GRAMD4: variants seen among roughly 807,000 people sequenced by gnomAD.
GRAMD4 encodes the protein GRAM domain containing 4.
Under a neutral mutation model 83.9 loss-of-function variants are expected in GRAMD4, and 25 were observed. The observed-to-expected ratio is 0.30, with a 90% CI of 0.22 to 0.42. The LOEUF is 0.42. Among genes scored for constraint, GRAMD4 ranks in the 10% least tolerant of loss-of-function variants. GRAMD4 has a pLI of 1.00. For synonymous variants in GRAMD4, 336 were observed against 320.9 expected (o/e 1.05, Z -0.50); for missense variants, 593 against 788.7 (o/e 0.75, Z 2.97).
chr22:46,672,891 G>T lies in GRAMD4; in HGVS notation c.1133G>T (p.Arg378Leu). 6.2e-7 allele frequency: 1 copy of T among 1,612,296 alleles called. No individual in the cohort carries two copies. Among genetic ancestry groups the T allele is most frequent in the Non-Finnish European group, 8.5e-7 (1 of 1,179,446 alleles). ...TTCCTCATTGATTTCATCTTTAAAC[G>T]CTGCCCGAGGCTGCGCGCCAAGTAC... The part of the protein sequence containing the change: ...KFFLIDFIFK[R>L]CPRLRAKYDT... The change falls in exon 14 of 19, where the codon CGC becomes CTC. Residue 378 changes from arginine to leucine, a missense_variant. Arg to Leu is a moderately radical substitution (Grantham distance 102, BLOSUM62 -2). Transcript: ENST00000406902. The surrounding 1 kb of genome is among the most constrained non-coding windows in gnomAD (Gnocchi z 4.7).
intron 11 of GRAMD4, 84 bp from the exon 12 acceptor site, chr22:46,668,605 G>T: frequency 3.1e-6 from 4 of 1,306,160 alleles, no homozygotes; most frequent in South Asian, 2.3e-5. Context: ...AGGGCTGCCC[G>T]ACCTGGAGGC....
chr22:46,630,986 A>G (rs537631063), intron 2 of GRAMD4, among the ~76,000 whole-genome samples: 13 of 148,816 alleles, frequency 8.7e-5, no homozygotes, highest in Admixed American at 5.3e-4. Flanking sequence ...CTCGAGGGCC[A>G]TGTGCCCCCA....
intron 3 of GRAMD4, among the ~76,000 whole-genome samples, chr22:46,653,235 C>T (rs1179447999): frequency 6.6e-6 from 1 of 152,246 alleles, no homozygotes; most frequent in Non-Finnish European, 1.5e-5. Context: ...GCCGTGCCGC[C>T]CGCTGCCCCG....
At chr22:46,625,018 G>A (rs1257877216) in intron 1 of GRAMD4, among the ~76,000 whole-genome samples, 1 of 151,862 alleles carries the variant, frequency 6.6e-6, no homozygotes, top group Non-Finnish European at 1.5e-5. Flanking sequence ...CCACCACCAC[G>A]CCCGGCTAAT....
chr22:46,663,185 C>A lies in GRAMD4; in HGVS notation c.599+13C>A. The A allele has an allele frequency of 2.5e-6, 4 of 1,606,674 alleles. No homozygotes were observed. Among genetic ancestry groups the A allele is most frequent in the Non-Finnish European group, 3.4e-6 (4 of 1,175,860 alleles). On this transcript the variant is annotated intron_variant, in intron 6 of 18. Transcript: ENST00000406902. ...TGAGCGCCCGCAGGTAGGGGTTCGCCGAGCTGGGGCTGCCTGTGCGTTAGG... is the reference window on the plus strand; with the variant it reads ...TGAGCGCCCGCAGGTAGGGGTTCGCAGAGCTGGGGCTGCCTGTGCGTTAGG...
rs371883160 is a variant in GRAMD4 at position 46,660,174 on chromosome 22, A to G, written c.405-1207A>G. Among the ~76,000 whole-genome samples the G allele has an allele frequency of 5.3e-5, 8 of 152,302 alleles. No homozygotes were observed. In the East Asian group the frequency reaches 1.4e-3, roughly 26 times the overall value. ...CAGCCCGGGTCAGCTGTAAGAACGC[A>G]GGGAGCCCCATCTCGCACAGTCTCT... On this transcript the variant is annotated intron_variant, in intron 4 of 18. Coordinates refer to ENST00000406902, the MANE Select transcript of GRAMD4 (RefSeq NM_015124.5).
At chr22:46,640,970 G>A (rs898931326) in intron 3 of GRAMD4, among the ~76,000 whole-genome samples, 15 of 152,202 alleles carry the variant, frequency 9.9e-5, no homozygotes, top group Non-Finnish European at 1.5e-4. Context: ...ACAGCTTTTC[G>A]TTAATACCAT....
At chr22:46,613,699 G>A (rs1326094261) in intron 1 of GRAMD4, among the ~76,000 whole-genome samples, 1 of 152,206 alleles carries the variant, frequency 6.6e-6, no homozygotes, top group African/African-American at 2.4e-5. Flanking sequence ...GGGGCTAGAG[G>A]TCAGGCTGCT....
At chr22:46,650,489 G>T (rs1263120396) in intron 3 of GRAMD4, among the ~76,000 whole-genome samples, 1 of 152,156 alleles carries the variant, frequency 6.6e-6, no homozygotes, top group African/African-American at 2.4e-5. Context: ...GCCTGTGTAG[G>T]CCTGAGCCGA....
chr22:46,681,846 AACCC>A, downstream of GRAMD4, among the ~76,000 whole-genome samples: 1 of 152,338 alleles, frequency 6.6e-6, no homozygotes, highest in East Asian at 1.9e-4. Flanking sequence ...TGACGCTGGG[AACCC>A]AGGGTTGTGG....
intron 3 of GRAMD4, among the ~76,000 whole-genome samples, chr22:46,652,699 G>A (rs535388498): frequency 1.3e-5 from 2 of 152,352 alleles, no homozygotes; most frequent in South Asian, 4.1e-4. Flanking sequence ...AGGGAACCCA[G>A]AGCCTCAGCA....
In GRAMD4 at chr22:46,678,545, G is replaced by A; in HGVS notation, c.*1294G>A. 6 of 985,422 alleles carry A rather than the reference G, an allele frequency of 6.1e-6. No individual in the cohort carries two copies. Among genetic ancestry groups the A allele is most frequent in the Non-Finnish European group, 7.2e-6 (6 of 829,904 alleles). 61.0% of individuals were successfully genotyped at this position (985,422 alleles called of 1,614,324 possible). ...CGGCTTGGGCCTCCTGGAAGGAGGT[G>A]GCCACCCCGCGGGCCTGCGTGTCTG... On this transcript the variant is annotated 3_prime_UTR_variant, in exon 19 of 19. Coordinates refer to ENST00000406902, the MANE Select transcript of GRAMD4 (RefSeq NM_015124.5).
intron 1 of GRAMD4, among the ~76,000 whole-genome samples, chr22:46,612,160 C>T (rs906389891): frequency 6.6e-6 from 1 of 152,014 alleles, no homozygotes; most frequent in Non-Finnish European, 1.5e-5. Flanking sequence ...CACACCATCC[C>T]GCCTGGCTAA....
chr22:46,622,168 T>A lies in GRAMD4; in HGVS notation c.-50+1603T>A, dbSNP rs563172101. On this transcript the variant is annotated intron_variant, in intron 1 of 18. Transcript: ENST00000406902. This position sits in a 1 kb window ranked among gnomAD's most constrained non-coding sequence, Gnocchi z 4.0. ...GCCTCATTTGCTTGCCTGAGGTGAT[T>A]GGGAAGGCAGCCCTGGCCTCGGAAT... Among the ~76,000 whole-genome samples the A allele has an allele frequency of 5.3e-5, 8 of 152,196 alleles. No homozygotes were observed. The highest frequency in any genetic ancestry group is 1.9e-4 in the African/African-American group (8 of 41,524).
Position 46,672,780 on chromosome 22 carries a change from C to A in GRAMD4, c.1085-63C>A. The A allele has an allele frequency of 3.6e-6, 5 of 1,377,938 alleles. No individual in the cohort carries two copies. Among genetic ancestry groups the A allele is most frequent in the Non-Finnish European group, 4.1e-6 (4 of 983,392 alleles). 85.4% of individuals were successfully genotyped at this position (1,377,938 alleles called of 1,614,324 possible). A position where few individuals can be genotyped will look rare whatever the true frequency, so the allele number is the denominator to read the frequency against. ...GAGGTGGGAGGTGCCGGAACCATCA[C>A]CCTGAGTAGACTGGCATAGCTGCAG... is the stretch of plus-strand genomic sequence containing the variant. On this transcript the variant is annotated intron_variant, in intron 13 of 18. Coordinates refer to ENST00000406902, the MANE Select transcript of GRAMD4 (RefSeq NM_015124.5). The surrounding 1 kb of genome is among the most constrained non-coding windows in gnomAD (Gnocchi z 4.7).
intron 1 of GRAMD4, among the ~76,000 whole-genome samples, chr22:46,589,528 G>A (rs1330347832): frequency 6.6e-6 from 1 of 151,934 alleles, no homozygotes; most frequent in African/African-American, 2.4e-5. Flanking sequence ...AAGACCTGCT[G>A]GGGCCAGGGG....
chr22:46,635,423 GC>G (rs1364904229), intron 2 of GRAMD4, among the ~76,000 whole-genome samples: 2 of 87,574 alleles, frequency 2.3e-5, no homozygotes, highest in African/African-American at 5.8e-5. Context: ...TGTCTTCCCT[GC>G]CCCCGCCCCC....
intron 1 of GRAMD4, among the ~76,000 whole-genome samples, chr22:46,599,358 C>A (rs997546951): frequency 2.0e-5 from 3 of 149,766 alleles, no homozygotes; most frequent in Admixed American, 2.0e-4. Flanking sequence ...TGCTCTTGTT[C>A]CCCGGGCTAG....
At chr22:46,623,579 G>A (rs1428243697) in intron 1 of GRAMD4, among the ~76,000 whole-genome samples, 1 of 151,638 alleles carries the variant, frequency 6.6e-6, no homozygotes, top group Non-Finnish European at 1.5e-5. Context: ...TGTATTTTTA[G>A]TAGAGATGCA....
Sources: allele counts gnomAD v4.1 joint callset (sites outside exome capture counted in the v4.1 genomes callset), GRCh38; gene constraint gnomAD v4.1.1; non-coding constraint Gnocchi (gnomAD v3.1); transcripts MANE v1.5; gene names NCBI Gene and HGNC (gene_info 2026-07-23, HGNC 2026-07-21).